The following ZFYVE9 variants were observed in gnomAD, a reference collection of about 807,000 sequenced individuals.
The protein encoded by ZFYVE9 is zinc finger FYVE-type containing 9, also known as zinc finger FYVE domain-containing protein 9.
Under a neutral mutation model 126.7 loss-of-function variants are expected in ZFYVE9, and 43 were observed. The observed-to-expected ratio is 0.34, with a 90% CI of 0.27 to 0.44. The LOEUF (loss-of-function observed/expected upper bound fraction) is 0.44, where lower values mean the gene tolerates loss of function less well. ZFYVE9 is among the 20% of genes least tolerant of loss of function. ZFYVE9 has a pLI of 1.00. For synonymous variants in ZFYVE9, 521 were observed against 597.4 expected (o/e 0.87, Z 1.87); for missense variants, 1,476 against 1,697.0 (o/e 0.87, Z 2.29).
At chr1:52,304,149 T>C (rs1286784242) in intron 13 of ZFYVE9, among the ~76,000 whole-genome samples, 2 of 152,198 alleles carry the variant, frequency 1.3e-5, no homozygotes, top group Non-Finnish European at 2.9e-5. Context: ...TTTGATGTTA[T>C]GATAATTAGT....
Position 52,334,745 on chromosome 1 carries a change from T to C in ZFYVE9, c.3647T>C (p.Leu1216Pro). The change falls in exon 15 of 19, where the codon CTT becomes CCT. Residue 1216 changes from leucine to proline, a missense_variant. Physicochemically the swap from Leu to Pro is moderately conservative, Grantham distance 98 (BLOSUM62 -3). Coordinates refer to ENST00000287727, the MANE Select transcript of ZFYVE9 (RefSeq NM_004799.4). Reference protein sequence around the residue: ...SGALKSSSGYLAKSSIVEDGV... With the variant: ...SGALKSSSGYPAKSSIVEDGV... ...GCTCTGAAATCCTCTTCTGGATACC[T>C]TGCCAAGTCCAGTATTGTGGAAGGT... is the stretch of plus-strand genomic sequence containing the variant. 2 of 1,614,028 alleles carry C rather than the reference T, an allele frequency of 1.2e-6. No individual in the cohort carries two copies. The highest frequency in any genetic ancestry group is 4.5e-5 in the East Asian group (2 of 44,860).
At chr1:52,334,899 C>T (rs1173456393) in intron 15 of ZFYVE9, 131 bp downstream of exon 15, 4 of 832,860 alleles carry the variant, frequency 4.8e-6, no homozygotes, top group Non-Finnish European at 7.5e-6. Flanking sequence ...CAAATTAAAA[C>T]TGCCATGAGA....
At chr1:52,226,539 A>G (rs1479804568) in intron 2 of ZFYVE9, among the ~76,000 whole-genome samples, 2 of 152,170 alleles carry the variant, frequency 1.3e-5, no homozygotes, top group Non-Finnish European at 2.9e-5. Flanking sequence ...CTGTCTCAAA[A>G]AGAAAAAAGA....
intron 2 of ZFYVE9, among the ~76,000 whole-genome samples, chr1:52,225,979 G>A (rs1170935597): frequency 2.6e-5 from 4 of 152,138 alleles, no homozygotes; most frequent in Non-Finnish European, 2.9e-5. Context: ...CGGGTCTTCC[G>A]AGGGAAAAGA....
rs965945975 is a variant in ZFYVE9, at chr1:52,281,686, C to T, written c.2895C>T (p.Phe965=). 6.2e-7 allele frequency: 1 copy of T among 1,613,920 alleles called. No individual in the cohort carries two copies. The highest frequency in any genetic ancestry group is 2.2e-5 in the East Asian group (1 of 44,880). ...VNYVNRKCWC[F]TTKGMHAVGQ... is the part of the protein sequence containing the mutation. ...ATGTGAACAGGAAGTGCTGGTGTTTCACAACCAAGGGAATGCATGCAGTGG... is the reference window on the plus strand; with the variant it reads ...ATGTGAACAGGAAGTGCTGGTGTTTTACAACCAAGGGAATGCATGCAGTGG... Residue 965 remains phenylalanine (F), a synonymous_variant, in exon 10 of 19, where the codon TTC becomes TTT. Coordinates refer to ENST00000287727, the MANE Select transcript of ZFYVE9 (RefSeq NM_004799.4).
In ZFYVE9 at chr1:52,237,633, C is replaced by T; in HGVS notation, c.216C>T (p.Phe72=). ...SNESQPQLKV[F]SLAHSAPLTT... ...AGTCACAACCACAACTGAAAGTCTTCTCCCTGGCTCATTCAGCTCCCCTGA... is the reference window on the plus strand; with the variant it reads ...AGTCACAACCACAACTGAAAGTCTTTTCCCTGGCTCATTCAGCTCCCCTGA... Residue 72 remains phenylalanine (F), a synonymous_variant, in exon 4 of 19, where the codon TTC becomes TTT. Transcript: ENST00000287727. 4 of 1,614,132 alleles carry T rather than the reference C, an allele frequency of 2.5e-6. No homozygotes were observed. The highest frequency in any genetic ancestry group is 3.4e-6 in the Non-Finnish European group (4 of 1,179,988).
At chr1:52,265,719 A>G (rs1274223682) in intron 5 of ZFYVE9, among the ~76,000 whole-genome samples, 1 of 152,224 alleles carries the variant, frequency 6.6e-6, no homozygotes, top group African/African-American at 2.4e-5. Flanking sequence ...GGATAGTTTT[A>G]TACAGGGTGA....
chr1:52,346,067 A>G lies in ZFYVE9; in HGVS notation c.4124A>G (p.Tyr1375Cys), dbSNP rs769454524. Residue 1375 changes from tyrosine to cysteine, a missense_variant, in exon 19 of 19, where the codon TAT (tyrosine) becomes TGT (cysteine). Coordinates refer to ENST00000287727, the MANE Select transcript of ZFYVE9 (RefSeq NM_004799.4). ...RVTLDSDQVG[Y>C]QAGSNGQPLP... The stretch of plus-strand genomic sequence containing the variant: ...TTTCTCTCTGTGGTATAGGTTGGCT[A>G]TCAAGCAGGGAGCAATGGCCAGCCC... The G allele has an allele frequency of 1.2e-6, 2 of 1,600,630 alleles. No individual in the cohort carries two copies. The highest frequency in any genetic ancestry group is 2.2e-5 in the East Asian group (1 of 44,570).
intron 1 of ZFYVE9, among the ~76,000 whole-genome samples, chr1:52,161,427 C>T (rs1644458534): frequency 6.6e-6 from 1 of 152,040 alleles, no homozygotes; most frequent in South Asian, 2.1e-4. Flanking sequence ...GTAGCTGGGA[C>T]AGCAAGCACG....
intron 1 of ZFYVE9, among the ~76,000 whole-genome samples, chr1:52,156,126 C>T (rs996488847): frequency 6.6e-6 from 1 of 152,178 alleles, no homozygotes; most frequent in Non-Finnish European, 1.5e-5. Flanking sequence ...CAAAGCAAAA[C>T]CATGAATGCA....
chr1:52,284,855 T>C (rs1379129803), intron 10 of ZFYVE9, among the ~76,000 whole-genome samples: 2 of 152,152 alleles, frequency 1.3e-5, no homozygotes, highest in African/African-American at 4.8e-5. Context: ...CTATAATACA[T>C]CTAAGCCAAC....
chr1:52,205,040 G>A (rs900389439), intron 1 of ZFYVE9, among the ~76,000 whole-genome samples: 1 of 149,648 alleles, frequency 6.7e-6, no homozygotes, highest in Non-Finnish European at 1.5e-5. Context: ...CTGTCCCTTC[G>A]AATTTGGGTC....
chr1:52,233,793 T>G (rs187706163), intron 3 of ZFYVE9, among the ~76,000 whole-genome samples: 11 of 152,304 alleles, frequency 7.2e-5, no homozygotes, highest in African/African-American at 1.7e-4. Context: ...TTTGTTTGTT[T>G]GTTGGTTGGT....
intron 4 of ZFYVE9, among the ~76,000 whole-genome samples, chr1:52,255,772 A>G (rs1298901863): frequency 1.3e-5 from 2 of 151,700 alleles, no homozygotes; most frequent in Admixed American, 1.3e-4. Context: ...GCGTACCTGT[A>G]GTCTCAGTTA....
intron 4 of ZFYVE9, among the ~76,000 whole-genome samples, chr1:52,259,338 G>T (rs975146652): frequency 1.3e-5 from 2 of 151,974 alleles, no homozygotes; most frequent in Non-Finnish European, 2.9e-5. Flanking sequence ...TAGGAGTTAA[G>T]ACTTCAGCTT....
At chr1:52,148,468 AG>A in intron 1 of ZFYVE9, among the ~76,000 whole-genome samples, 1 of 151,714 alleles carries the variant, frequency 6.6e-6, no homozygotes, top group African/African-American at 2.4e-5. Context: ...AGCCTGGGCA[AG>A]AAGAGCGAAA....
intron 4 of ZFYVE9, 26 bp from the exon 5 acceptor site, chr1:52,263,747 T>G (rs759497991): frequency 8.8e-6 from 10 of 1,141,974 alleles, no homozygotes; most frequent in East Asian, 2.5e-5. Flanking sequence ...AAATTTTGTG[T>G]GTTCTTCCCC....
intron 1 of ZFYVE9, among the ~76,000 whole-genome samples, chr1:52,209,834 T>A (rs1426765733): frequency 6.6e-6 from 1 of 152,178 alleles, no homozygotes; most frequent in Non-Finnish European, 1.5e-5. Flanking sequence ...AGCTATGTTA[T>A]GGAAGTATGG....
In ZFYVE9 at chr1:52,233,204, C is replaced by T; in HGVS notation, c.-3C>T. The T allele has an allele frequency of 1.9e-6, 3 of 1,573,892 alleles. No individual in the cohort carries two copies. The highest frequency in any genetic ancestry group is 2.7e-5 in the African/African-American group (2 of 74,170). On this transcript the variant is annotated 5_prime_UTR_variant, in exon 3 of 19. Coordinates refer to ENST00000287727, the MANE Select transcript of ZFYVE9 (RefSeq NM_004799.4). Reference sequence around the variant, plus strand: ...AAGTCTCTTAAGTGGTGTTTCCTCACCGATGGAGAATTACTTCCAAGCAGA... The same window carrying T: ...AAGTCTCTTAAGTGGTGTTTCCTCATCGATGGAGAATTACTTCCAAGCAGA...
Sources: gnomAD v4.1 joint callset for allele counts (sites outside exome capture counted in the v4.1 genomes callset) on GRCh38, gnomAD v4.1.1 for gene constraint, MANE v1.5 for transcripts, NCBI Gene and HGNC (gene_info 2026-07-23, HGNC 2026-07-21) for gene names.